Variants in SLC16A10 observed in about 807,000 individuals in gnomAD.
The protein encoded by SLC16A10 is monocarboxylate transporter 10.
SLC16A10 carries 27 observed loss-of-function variants against 40.0 expected under a neutral mutation model. That is an observed-to-expected ratio of 0.67 (90% CI 0.50 to 0.93). The LOEUF is 0.93. Ranked by LOEUF, SLC16A10 falls within the 40% of genes least tolerant of loss-of-function variation. The pLI, the probability that SLC16A10 is intolerant of heterozygous loss-of-function variation, is 0.00. For missense variants in SLC16A10, 529 were observed against 658.2 expected, an observed-to-expected ratio of 0.80 and a Z score of 2.15; for synonymous variants, 213 against 249.8, an observed-to-expected ratio of 0.85 and a Z score of 1.39.
At chr6:111,204,514 CT>C (rs1773223936) in intron 3 of SLC16A10, among the ~76,000 whole-genome samples, 1 of 152,104 alleles carries the variant, frequency 6.6e-6, no homozygotes, top group African/African-American at 2.4e-5. Context: ...CAAATGAAAA[CT>C]TTTGGCAATA....
chr6:111,154,179 C>T (rs1772226443), intron 1 of SLC16A10, among the ~76,000 whole-genome samples: 1 of 152,032 alleles, frequency 6.6e-6, no homozygotes. Flanking sequence ...AACTAGCTTC[C>T]CACTATAGGC....
chr6:111,143,936 C>T (rs905021473), intron 1 of SLC16A10, among the ~76,000 whole-genome samples: 1 of 152,052 alleles, frequency 6.6e-6, no homozygotes, highest in African/African-American at 2.4e-5. Context: ...CCAGCCTGGT[C>T]AGCATCGTGA....
chr6:111,219,562 T>A (rs1420484892), intron 5 of SLC16A10, among the ~76,000 whole-genome samples: 2 of 151,788 alleles, frequency 1.3e-5, no homozygotes, highest in African/African-American at 4.8e-5. Flanking sequence ...TTTCTAAATA[T>A]GTCGGCTTTT....
chr6:111,200,940 A>G (rs932725465), intron 3 of SLC16A10, among the ~76,000 whole-genome samples: 1 of 152,240 alleles, frequency 6.6e-6, no homozygotes, highest in Non-Finnish European at 1.5e-5. Flanking sequence ...AGTGAGTAAA[A>G]GTGCTTTGAA....
chr6:111,118,496 A>G (rs992906242), intron 1 of SLC16A10, among the ~76,000 whole-genome samples: 9 of 152,178 alleles, frequency 5.9e-5, no homozygotes, highest in Admixed American at 2.0e-4. Flanking sequence ...CCTGGCCAAC[A>G]TGGTGAAACC....
chr6:111,088,371 G>C (rs1323213147), intron 1 of SLC16A10, among the ~76,000 whole-genome samples: 3 of 152,208 alleles, frequency 2.0e-5, no homozygotes, highest in Non-Finnish European at 4.4e-5. Context: ...CCCCTCAGCA[G>C]AGCAGACGCT....
intron 3 of SLC16A10, among the ~76,000 whole-genome samples, chr6:111,195,374 G>A (rs1184065272): frequency 6.6e-6 from 1 of 152,122 alleles, no homozygotes; most frequent in Non-Finnish European, 1.5e-5. Context: ...TCCAAGGGGA[G>A]GGGGAAATGA....
At chr6:111,135,046 G>T (rs551776615) in intron 1 of SLC16A10, among the ~76,000 whole-genome samples, 78 of 152,280 alleles carry the variant, frequency 5.1e-4, no homozygotes, top group African/African-American at 1.8e-3. Flanking sequence ...TTGTGACTGG[G>T]GAACTTTACT....
chr6:111,173,314 G>T (rs554059123), intron 2 of SLC16A10: 1 of 152,430 alleles, frequency 6.6e-6, no homozygotes, highest in Admixed American at 6.5e-5. Flanking sequence ...CCCAGGTAGA[G>T]AATTCCTGTC....
chr6:111,119,295 T>C (rs976028333), intron 1 of SLC16A10, among the ~76,000 whole-genome samples: 2 of 152,242 alleles, frequency 1.3e-5, no homozygotes, highest in African/African-American at 4.8e-5. Flanking sequence ...ATATTCTCTG[T>C]AAAGAGCCAT....
intron 1 of SLC16A10, among the ~76,000 whole-genome samples, chr6:111,138,574 C>T (rs1181848721): frequency 6.6e-6 from 1 of 152,146 alleles, no homozygotes; most frequent in Non-Finnish European, 1.5e-5. Flanking sequence ...CCCTGTCCTG[C>T]AGGGTTGCTG....
At chr6:111,163,441 C>T (rs1300368086) in intron 1 of SLC16A10, among the ~76,000 whole-genome samples, 1 of 152,024 alleles carries the variant, frequency 6.6e-6, no homozygotes, top group Admixed American at 6.5e-5. Flanking sequence ...CGTGAGCCAC[C>T]GCACCCGGCA....
chr6:111,192,695 G>A (rs970367571), intron 3 of SLC16A10, among the ~76,000 whole-genome samples: 4 of 152,128 alleles, frequency 2.6e-5, no homozygotes, highest in Non-Finnish European at 5.9e-5. Context: ...ATATGGCTGG[G>A]GAGGCCTCAC....
At position 111,172,684 on chromosome 6, in the gene SLC16A10, T is replaced by C. The variant is rs112525896; in HGVS notation, c.344-11T>C. On this transcript the variant is annotated splice_polypyrimidine_tract_variant and intron_variant, in intron 1 of 5. Transcript: ENST00000368851. ...GTCATAATTCCCCCCACGCTTTCCC[T>C]TCTTTTACAGCATGGGTAGGTTCTC... 736 of 1,610,206 alleles carry C rather than the reference T, an allele frequency of 4.6e-4. 5 individuals carry two copies. In the African/African-American group the frequency reaches 8.5e-3, roughly 19 times the overall value.
chr6:111,228,606 A>T lies in SLC16A10; in HGVS notation c.*6371A>T, dbSNP rs1771051442. On this transcript the variant is annotated 3_prime_UTR_variant, in exon 6 of 6. Coordinates refer to ENST00000368851, the MANE Select transcript of SLC16A10 (RefSeq NM_018593.5). ...ATTTTTCAGTATCCGTCATTAGAAG[A>T]GTCAGTTTGTTAAATATTTTAAATG... 6.6e-6 allele frequency: 1 copy of T among 152,174 alleles called. No individual in the cohort carries two copies. Among genetic ancestry groups the T allele is most frequent in the Non-Finnish European group, 1.5e-5 (1 of 68,032 alleles). 9.4% of individuals were successfully genotyped at this position (152,174 alleles called of 1,614,324 possible).
intron 1 of SLC16A10, among the ~76,000 whole-genome samples, chr6:111,090,981 T>C (rs1770964669): frequency 6.6e-6 from 1 of 152,216 alleles, no homozygotes; most frequent in East Asian, 1.9e-4. Flanking sequence ...GAATGGAATC[T>C]AGGTCTCCAA....
chr6:111,203,719 C>CAAAT (rs60881476), intron 3 of SLC16A10, among the ~76,000 whole-genome samples: 19,136 of 138,040 alleles, frequency 0.14, 1,472 homozygotes, highest in African/African-American at 0.18. Context: ...AACCCCATCT[C>CAAAT]AAATAAATAA....
At chr6:111,218,678 TA>T in intron 4 of SLC16A10, 135 bp from the exon 5 acceptor site, 1 of 689,722 alleles carries the variant, frequency 1.4e-6, no homozygotes, top group Non-Finnish European at 2.5e-6. Context: ...ATTATGTATG[TA>T]AAATCAAAGT....
intron 1 of SLC16A10, among the ~76,000 whole-genome samples, chr6:111,130,844 C>G (rs1426938151): frequency 1.3e-5 from 2 of 152,212 alleles, no homozygotes; most frequent in Admixed American, 1.3e-4. Flanking sequence ...CAAACTGTGT[C>G]TGATTTTGAA....
Sources: gnomAD v4.1 joint callset for allele counts (sites outside exome capture counted in the v4.1 genomes callset) on GRCh38, gnomAD v4.1.1 for gene constraint, MANE v1.5 for transcripts, NCBI Gene and HGNC (gene_info 2026-07-23, HGNC 2026-07-21) for gene names.